Variants in ERC2 observed in about 807,000 individuals in gnomAD.
ERC2 encodes the protein ELKS/RAB6-interacting/CAST family member 2.
ERC2 carries 42 observed loss-of-function variants against 114.8 expected under a neutral mutation model. The observed-to-expected ratio is 0.37, with a 90% CI of 0.29 to 0.47. The LOEUF (loss-of-function observed/expected upper bound fraction) is 0.47, where lower values mean the gene tolerates loss of function less well. Among genes scored for constraint, ERC2 ranks in the 20% least tolerant of loss-of-function variants. ERC2 has a pLI of 0.99. For synonymous variants in ERC2, 454 were observed against 425.5 expected (o/e 1.07, Z -0.82); for missense variants, 939 against 1,150.7 (o/e 0.82, Z 2.66).
At chr3:55,798,899 T>C (rs1394970899) in intron 14 of ERC2, among the ~76,000 whole-genome samples, 4 of 147,566 alleles carry the variant, frequency 2.7e-5, no homozygotes, top group Admixed American at 1.3e-4. Context: ...AAGAACATTA[T>C]TTTTAAAAAA....
intron 13 of ERC2, among the ~76,000 whole-genome samples, chr3:55,941,888 T>C (rs879320974): frequency 9.9e-5 from 15 of 152,216 alleles, no homozygotes; most frequent in Non-Finnish European, 1.8e-4. Flanking sequence ...TACCCTAGTT[T>C]TAAAGACATA....
rs550894865 is a variant in ERC2 at position 55,923,411 on chromosome 3, C to T, written c.2403+27014G>A. Among the ~76,000 whole-genome samples the T allele has an allele frequency of 1.9e-4, 29 of 152,074 alleles. 1 individual carries two copies. In the South Asian group the frequency reaches 4.8e-3, roughly 25 times the overall value. ...AGGTTATTGGTGAGTTACTGTTTAA[C>T]AGATATAGAGTTTCAGTTCTGGGAT... On this transcript the variant is annotated intron_variant, in intron 13 of 17. Transcript: ENST00000288221.
chr3:55,675,864 C>T (rs183687075), intron 17 of ERC2, among the ~76,000 whole-genome samples: 11 of 134,074 alleles, frequency 8.2e-5, no homozygotes, highest in African/African-American at 3.1e-4. Context: ...TGCCCTGCAT[C>T]GTTTAAAAAC....
At chr3:55,945,309 T>A (rs1192269623) in intron 13 of ERC2, among the ~76,000 whole-genome samples, 2 of 152,148 alleles carry the variant, frequency 1.3e-5, no homozygotes, top group Admixed American at 1.3e-4. Context: ...GCTGGTCAGG[T>A]TTCTTCTAAT....
Position 55,770,940 on chromosome 3 carries a change from C to G in ERC2, c.2565-36022G>C, listed in dbSNP as rs12488096. On this transcript the variant is annotated intron_variant, in intron 14 of 17. Transcript: ENST00000288221. ...GTTAGTTTGCTGAGAATGATGGTTTCTAGCTTCATCCATGCCCCTGCCAAG... is the reference window on the plus strand; with the variant it reads ...GTTAGTTTGCTGAGAATGATGGTTTGTAGCTTCATCCATGCCCCTGCCAAG... Among the ~76,000 whole-genome samples, 550 of 152,214 alleles carry G rather than the reference C, an allele frequency of 3.6e-3. 21 individuals are homozygous for G. In the South Asian group the frequency reaches 0.055, roughly 15 times the overall value.
At chr3:55,837,068 C>G (rs1318064820) in intron 14 of ERC2, among the ~76,000 whole-genome samples, 1 of 152,124 alleles carries the variant, frequency 6.6e-6, no homozygotes, top group Non-Finnish European at 1.5e-5. Flanking sequence ...CCATCTCACA[C>G]CAGTTAGAAT....
intron 14 of ERC2, among the ~76,000 whole-genome samples, chr3:55,810,465 CT>C (rs11318195): frequency 0.16 from 22,999 of 146,174 alleles, 1,916 homozygotes; most frequent in East Asian, 0.23. Context: ...CTCTCTCCCT[CT>C]TTTTTTTTTT....
intron 7 of ERC2, among the ~76,000 whole-genome samples, chr3:56,075,737 GA>G (rs1263552335): frequency 4.6e-5 from 7 of 152,236 alleles, no homozygotes; most frequent in Admixed American, 2.6e-4. Context: ...AATGTGAAAT[GA>G]ATATGATGTT....
chr3:55,831,271 C>A (rs1285827246), intron 14 of ERC2, among the ~76,000 whole-genome samples: 1 of 147,372 alleles, frequency 6.8e-6, no homozygotes, highest in African/African-American at 2.5e-5. Flanking sequence ...GTGATGGTGC[C>A]ACTGTACTTC....
chr3:55,854,182 C>T (rs539357304), intron 14 of ERC2, among the ~76,000 whole-genome samples: 2 of 151,964 alleles, frequency 1.3e-5, no homozygotes, highest in African/African-American at 2.4e-5. Flanking sequence ...AGCTGAGGCA[C>T]GAGAATCGCT....
chr3:55,979,697 T>C (rs1300194600), intron 12 of ERC2, among the ~76,000 whole-genome samples: 1 of 151,750 alleles, frequency 6.6e-6, no homozygotes, highest in Non-Finnish European at 1.5e-5. Flanking sequence ...AACATGAGTC[T>C]CACTGTTCTT....
At chr3:56,389,049 A>G (rs1029352555) in intron 2 of ERC2, among the ~76,000 whole-genome samples, 1 of 152,236 alleles carries the variant, frequency 6.6e-6, no homozygotes, top group Admixed American at 6.5e-5. Context: ...ATTGTAATGC[A>G]TATTTTATAG....
intron 13 of ERC2, among the ~76,000 whole-genome samples, chr3:55,902,818 T>A (rs945789553): frequency 6.6e-6 from 1 of 152,206 alleles, no homozygotes; most frequent in African/African-American, 2.4e-5. Flanking sequence ...CACCAGAGAT[T>A]ATCCCCTAGC....
chr3:55,584,963 G>A (rs141109241), intron 17 of ERC2, among the ~76,000 whole-genome samples: 1 of 152,308 alleles, frequency 6.6e-6, no homozygotes, highest in Non-Finnish European at 1.5e-5. Context: ...AATACCCGGG[G>A]AGTTACAAAT....
intron 4 of ERC2, among the ~76,000 whole-genome samples, chr3:56,163,807 T>A (rs1450582110): frequency 6.6e-6 from 1 of 152,096 alleles, no homozygotes; most frequent in Non-Finnish European, 1.5e-5. Context: ...ATAAATCTTG[T>A]CTTTTGATCC....
intron 6 of ERC2, among the ~76,000 whole-genome samples, chr3:56,128,723 TA>T (rs1293369552): frequency 6.6e-6 from 1 of 152,214 alleles, no homozygotes. Flanking sequence ...CTTCTGGTAC[TA>T]CTCTTAGAAG....
At chr3:55,974,682 T>G (rs1311591166) in intron 12 of ERC2, among the ~76,000 whole-genome samples, 2 of 152,134 alleles carry the variant, frequency 1.3e-5, no homozygotes, top group Non-Finnish European at 2.9e-5. Flanking sequence ...TTGAAGCGCA[T>G]CCAGAGCTGA....
At chr3:56,382,102 T>C (rs2059773891) in intron 2 of ERC2, among the ~76,000 whole-genome samples, 2 of 151,872 alleles carry the variant, frequency 1.3e-5, no homozygotes, top group South Asian at 2.1e-4. Flanking sequence ...CAGAAGAGAA[T>C]TTCCTTTACC....
chr3:55,925,786 C>T (rs1259864628), intron 13 of ERC2, among the ~76,000 whole-genome samples: 1 of 152,180 alleles, frequency 6.6e-6, no homozygotes, highest in Non-Finnish European at 1.5e-5. Context: ...CCAGCAGAGA[C>T]AAACGACCAT....
Sources: allele counts gnomAD v4.1 joint callset (sites outside exome capture counted in the v4.1 genomes callset), GRCh38; gene constraint gnomAD v4.1.1; transcripts MANE v1.5; gene names NCBI Gene and HGNC (gene_info 2026-07-23, HGNC 2026-07-21).